The following CD83 variants were observed in gnomAD, a reference collection of about 807,000 sequenced individuals.
CD83 encodes CD83 molecule.
In CD83, 22 loss-of-function variants were observed where a neutral mutation model predicts 24.6. The ratio of observed to expected loss-of-function variants is 0.90; its 90% CI spans 0.64 to 1.28. The LOEUF (loss-of-function observed/expected upper bound fraction) is 1.28. Ranked by LOEUF, CD83 falls within the 50% of genes most tolerant of loss-of-function variation. The pLI is 0.00. For missense variants in CD83, 253 were observed against 252.8 expected, an observed-to-expected ratio of 1.00 and a Z score of -0.01; for synonymous variants, 101 against 103.5, an observed-to-expected ratio of 0.98 and a Z score of 0.14.
rs559024173 is a variant in CD83 at position 14,118,063 on chromosome 6, A to T, written c.151A>T (p.Lys51Ter). Residue 51 changes from lysine to a stop codon, truncating the protein, a stop_gained and splice_region_variant, in exon 2 of 5, where the codon AAG becomes TAG. Transcript: ENST00000379153. LOFTEE classifies it high-confidence loss of function. ...GGTTCCCTACACGGTCTCCTGGGTC[A>T]AGGTAGGTGCTGCGATACCCACGGG... The part of the protein sequence containing the change: ...PQVPYTVSWV[K>*]LLEGGEERME... The T allele has an allele frequency of 1.2e-6, 2 of 1,602,668 alleles. No individual in the cohort carries two copies. The highest frequency in any genetic ancestry group is 1.3e-5 in the African/African-American group (1 of 74,644).
chr6:14,132,847 T>C (rs1757946679), intron 3 of CD83, among the ~76,000 whole-genome samples: 1 of 152,240 alleles, frequency 6.6e-6, no homozygotes, highest in South Asian at 2.1e-4. Flanking sequence ...CACCTGCTCC[T>C]GCCTGGGGCA....
intron 2 of CD83, among the ~76,000 whole-genome samples, chr6:14,130,861 G>GAGC (rs1422868612): frequency 3.3e-5 from 5 of 152,176 alleles, no homozygotes; most frequent in African/African-American, 9.7e-5. Flanking sequence ...AGTTTGATAT[G>GAGC]AGCAGCAAAT....
chr6:14,121,766 A>AC (rs1759677084), intron 2 of CD83, among the ~76,000 whole-genome samples: 1 of 152,216 alleles, frequency 6.6e-6, no homozygotes, highest in African/African-American at 2.4e-5. Flanking sequence ...GGCATAGCAC[A>AC]ATATCATGTC....
chr6:14,128,325 G>A (rs533679633), intron 2 of CD83, among the ~76,000 whole-genome samples: 4 of 152,168 alleles, frequency 2.6e-5, no homozygotes, highest in African/African-American at 7.2e-5. Flanking sequence ...ATCCTGCTAG[G>A]GCCCCACCCC....
Position 14,117,955 on chromosome 6 carries a change from A to C in CD83, c.43A>C (p.Ser15Arg). 1 of 1,608,124 alleles carries C rather than the reference A, an allele frequency of 6.2e-7. No individual in the cohort carries two copies. Among genetic ancestry groups the C allele is most frequent in the South Asian group, 1.1e-5 (1 of 90,424 alleles). The change falls in exon 2 of 5, where the codon AGC becomes CGC. Residue 15 changes from serine to arginine, a missense_variant. Coordinates refer to ENST00000379153, the MANE Select transcript of CD83 (RefSeq NM_004233.4). This position sits in a 1 kb window ranked among gnomAD's most constrained non-coding sequence, Gnocchi z 4.6. The stretch of plus-strand genomic sequence containing the variant: ...GCGCTCTCTCTTTCTTGTAGCCTAC[A>C]GCCTGGCTCCCGCGACGCCGGAGGT... ...LQLLLLSCAY[S>R]LAPATPEVKV...
At chr6:14,130,254 A>C (rs772587840) in intron 2 of CD83, among the ~76,000 whole-genome samples, 7 of 152,234 alleles carry the variant, frequency 4.6e-5, no homozygotes, top group Non-Finnish European at 8.8e-5. Context: ...GCTTTACTGC[A>C]TGTGTACATT....
In CD83 at chr6:14,118,080, AC is replaced by A; in HGVS notation, c.153+18del. The A allele has an allele frequency of 6.4e-7, 1 of 1,573,634 alleles. No individual in the cohort carries two copies. ...CCTGGGTCAAGGTAGGTGCTGCGAT[AC>A]CCACGGGCTGGGGTTTGGTGGGCTC... On this transcript the variant is annotated intron_variant, in intron 2 of 4. Coordinates refer to ENST00000379153, the MANE Select transcript of CD83 (RefSeq NM_004233.4).
At chr6:14,134,400 C>T (rs1204320853) in intron 4 of CD83, among the ~76,000 whole-genome samples, 1 of 152,204 alleles carries the variant, frequency 6.6e-6, no homozygotes. Context: ...CATGGCTGCT[C>T]ACCTGTGTTG....
Position 14,126,866 on chromosome 6 carries a change from A to G in CD83, c.154-4654A>G, listed in dbSNP as rs372728898. Among the ~76,000 whole-genome samples, 29 of 152,336 alleles carry G rather than the reference A, an allele frequency of 1.9e-4. No individual in the cohort carries two copies. The East Asian group carries it at 4.8e-3, about 25-fold the overall frequency. ...AATACATCAGATTAATTTAATACCA[A>G]CTTTAAATCCTTACAATCTATACCC... On this transcript the variant is annotated intron_variant, in intron 2 of 4. Transcript: ENST00000379153.
chr6:14,133,594 T>TC (rs1230676558), intron 3 of CD83, 55 bp from the exon 4 acceptor site: 1 of 1,222,370 alleles, frequency 8.2e-7, no homozygotes, highest in Admixed American at 2.0e-5. Flanking sequence ...TAGCTTTTTT[T>TC]CATGGTAGAA....
intron 2 of CD83, among the ~76,000 whole-genome samples, chr6:14,130,802 G>T (rs4715877): frequency 2.6e-4 from 40 of 152,162 alleles, no homozygotes; most frequent in African/African-American, 9.4e-4. Context: ...AAGTCCGGCT[G>T]GTCTGTCCTG....
In CD83 at chr6:14,129,691, T is replaced by C. The variant is rs1759901371; in HGVS notation, c.154-1829T>C. Among the ~76,000 whole-genome samples, 1 of 152,038 alleles carries C rather than the reference T, an allele frequency of 6.6e-6. No individual in the cohort carries two copies. The highest frequency in any genetic ancestry group is 1.5e-5 in the Non-Finnish European group (1 of 68,010). Reference sequence around the variant, plus strand: ...AGGGCTGGGAGGGAGCTGAGCAGGTTTTCTTGCAGGAGCGATCAATCTGCC... The same window carrying C: ...AGGGCTGGGAGGGAGCTGAGCAGGTCTTCTTGCAGGAGCGATCAATCTGCC... On this transcript the variant is annotated intron_variant, in intron 2 of 4. Coordinates refer to ENST00000379153, the MANE Select transcript of CD83 (RefSeq NM_004233.4). The surrounding 1 kb of genome is among the most constrained non-coding windows in gnomAD (Gnocchi z 4.3).
intron 2 of CD83, among the ~76,000 whole-genome samples, chr6:14,119,065 C>T (rs981858304): frequency 6.6e-6 from 1 of 152,220 alleles, no homozygotes; most frequent in African/African-American, 2.4e-5. Flanking sequence ...CAGTACAAGG[C>T]ATCATTGCGG....
At position 14,120,314 on chromosome 6, in the gene CD83, AT is replaced by A. The variant is rs1759643382; in HGVS notation, c.153+2251del. On this transcript the variant is annotated intron_variant, in intron 2 of 4. Transcript: ENST00000379153. ...TCCAGCCCAATAATTATACTTTTTC[AT>A]TGATTATGCTTATACAACAAAAATG... 2.0e-5 allele frequency among the ~76,000 whole-genome samples: 3 copies of A among 152,292 alleles called. No homozygotes were observed. In the South Asian group the frequency reaches 6.2e-4, roughly 32 times the overall value.
Position 14,133,678 on chromosome 6 carries a change from T to G in CD83, c.412T>G (p.Phe138Val). The G allele has an allele frequency of 6.2e-7, 1 of 1,613,812 alleles. No homozygotes were observed. ...CCCTGCACAGCGTAAAGAAGAGACT[T>G]TTAAGAAATACAGAGCGGAGATTGT... Reference protein sequence around the residue: ...GCPAQRKEETFKKYRAEIVLL... With the variant: ...GCPAQRKEETVKKYRAEIVLL... Residue 138 changes from phenylalanine (F) to valine (V), a missense_variant, in exon 4 of 5, where the codon TTT becomes GTT. Transcript: ENST00000379153.
At position 14,131,817 on chromosome 6, in the gene CD83, C is replaced by T. The variant is rs74559164; in HGVS notation, c.382+69C>T. On this transcript the variant is annotated intron_variant, in intron 3 of 4. Coordinates refer to ENST00000379153, the MANE Select transcript of CD83 (RefSeq NM_004233.4). ...GTGTACTTCCTTTAGGTCCTAAAATCGTTCCTCTCTTTTGGAGTGTAGCTC... is the reference window on the plus strand; with the variant it reads ...GTGTACTTCCTTTAGGTCCTAAAATTGTTCCTCTCTTTTGGAGTGTAGCTC... The T allele has an allele frequency of 4.0e-4, 434 of 1,088,174 alleles. 1 individual carries two copies. In the African/African-American group the frequency reaches 5.8e-3, roughly 15 times the overall value. The allele number at this position is 1,088,174 out of a possible 1,614,324, so 67.4% of individuals were successfully genotyped here. A position where few individuals can be genotyped will look rare whatever the true frequency, so the allele number is the denominator to read the frequency against.
chr6:14,117,626 G>C (rs1442399867), upstream of CD83: 10 of 338,330 alleles, frequency 3.0e-5, no homozygotes, highest in East Asian at 3.9e-4. The surrounding 1 kb of genome is among the most constrained non-coding windows in gnomAD (Gnocchi z 4.6). Flanking sequence ...GGGGGCGAAG[G>C]GGGCGGGGAC....
At chr6:14,120,535 T>C (rs945559453) in intron 2 of CD83, among the ~76,000 whole-genome samples, 7 of 152,226 alleles carry the variant, frequency 4.6e-5, no homozygotes, top group African/African-American at 1.7e-4. Flanking sequence ...TCATCATCAC[T>C]ACCCTGGCTT....
chr6:14,129,847 G>A lies in CD83; in HGVS notation c.154-1673G>A, dbSNP rs1759907005. Among the ~76,000 whole-genome samples, 1 of 151,918 alleles carries A rather than the reference G, an allele frequency of 6.6e-6. No individual in the cohort carries two copies. The highest frequency in any genetic ancestry group is 2.4e-5 in the African/African-American group (1 of 41,300). Reference sequence around the variant, plus strand: ...AGCAGAAATGACTGTGTGTGTGTGTGTGTGTGTGTGTGTGTGTATACGAGT... The same window carrying A: ...AGCAGAAATGACTGTGTGTGTGTGTATGTGTGTGTGTGTGTGTATACGAGT... On this transcript the variant is annotated intron_variant, in intron 2 of 4. Transcript: ENST00000379153. This position sits in a 1 kb window ranked among gnomAD's most constrained non-coding sequence, Gnocchi z 4.3.
Sources: allele counts gnomAD v4.1 joint callset (sites outside exome capture counted in the v4.1 genomes callset), GRCh38; gene constraint gnomAD v4.1.1; non-coding constraint Gnocchi (gnomAD v3.1); transcripts MANE v1.5; gene names NCBI Gene and HGNC (gene_info 2026-07-23, HGNC 2026-07-21).